CPED1: variants seen among roughly 807,000 people sequenced by gnomAD.
CPED1 encodes cadherin like and PC-esterase domain containing 1.
CPED1 carries 114 observed loss-of-function variants against 128.2 expected under a neutral mutation model. The ratio of observed to expected loss-of-function variants is 0.89; its 90% confidence interval spans 0.76 to 1.04. The LOEUF (loss-of-function observed/expected upper bound fraction) is 1.04, where lower values mean the gene tolerates loss of function less well. Among genes scored for constraint, CPED1 ranks in the 50% least tolerant of loss-of-function variants. The pLI is 0.00. For missense variants in CPED1, 1,211 were observed against 1,207.1 expected (o/e 1.00, Z -0.05); for synonymous variants, 462 against 426.7 (o/e 1.08, Z -1.02).
chr7:121,258,349 A>T (rs1279031741), intron 18 of CPED1, among the ~76,000 whole-genome samples: 1 of 152,094 alleles, frequency 6.6e-6, no homozygotes, highest in Admixed American at 6.6e-5. Context: ...GAGAGAAACA[A>T]TCATTGCAAT....
In CPED1 at chr7:121,029,245, T is replaced by G. The variant is rs6954847; in HGVS notation, c.433+13397T>G. ...AAATTAAAGTTATTGGAATAAAGGG[T>G]GAGAATCATTTCTAAAGCTCTTCAT... On this transcript the variant is annotated intron_variant, in intron 3 of 22. Coordinates refer to ENST00000310396, the MANE Select transcript of CPED1 (RefSeq NM_024913.5). Among the ~76,000 whole-genome samples the G allele has an allele frequency of 9.4e-3, 1,425 of 152,230 alleles. 30 individuals are homozygous for G. Among genetic ancestry groups the G allele is most frequent in the African/African-American group, 0.033 (1,362 of 41,552 alleles).
intron 3 of CPED1, among the ~76,000 whole-genome samples, chr7:121,024,473 A>G (rs1792519405): frequency 1.3e-5 from 2 of 152,178 alleles, no homozygotes; most frequent in Non-Finnish European, 2.9e-5. Context: ...TGCCCCTTCA[A>G]GCCTAGCTTC....
At chr7:121,016,225 T>A (rs73431855) in intron 3 of CPED1, among the ~76,000 whole-genome samples, 3,185 of 152,308 alleles carry the variant, frequency 0.021, 60 homozygotes, top group African/African-American at 0.053. Context: ...TGCTGGAAAT[T>A]GTTTCCAGAA....
chr7:121,219,019 A>G (rs1797820569), intron 16 of CPED1, among the ~76,000 whole-genome samples: 1 of 152,226 alleles, frequency 6.6e-6, no homozygotes. Flanking sequence ...AAACTGATCT[A>G]GATTGGTCAA....
intron 17 of CPED1, 85 bp downstream of exon 17, chr7:121,236,916 TAA>T (rs963820018): frequency 2.3e-5 from 14 of 599,190 alleles, no homozygotes; most frequent in Non-Finnish European, 3.6e-5. Context: ...TATCCTTTTA[TAA>T]AAAAACAAGG....
Position 121,136,026 on chromosome 7 carries a change from CTT to C in CPED1, c.1649-4_1649-3del, listed in dbSNP as rs751361706. ...TGGTTTTTATTTTAAATTTACATTT[CTT>C]TTTTTTTTTAGCTGCAGTTCCACAA... On this transcript the variant is annotated splice_polypyrimidine_tract_variant and intron_variant, in intron 13 of 22. Transcript: ENST00000310396. 3.7e-4 allele frequency: 399 copies of C among 1,071,706 alleles called. No homozygotes were observed. The highest frequency in any genetic ancestry group is 7.7e-4 in the Admixed American group (26 of 33,622). The allele number at this position is 1,071,706 out of a possible 1,614,324, so 66.4% of individuals were successfully genotyped here. A position where few individuals can be genotyped will look rare whatever the true frequency, so the allele number is the denominator to read the frequency against.
intron 16 of CPED1, among the ~76,000 whole-genome samples, chr7:121,168,145 C>T (rs1310729174): frequency 6.6e-6 from 1 of 152,172 alleles, no homozygotes; most frequent in African/African-American, 2.4e-5. Context: ...ACATTCTGAA[C>T]GCTATCATAG....
intron 3 of CPED1, among the ~76,000 whole-genome samples, chr7:121,036,489 G>GTA (rs144901835): frequency 0.11 from 15,534 of 138,218 alleles, 988 homozygotes; most frequent in East Asian, 0.18. Flanking sequence ...CATGGTGTGT[G>GTA]TATATATATA....
At chr7:121,167,138 T>G (rs1230517150) in intron 16 of CPED1, among the ~76,000 whole-genome samples, 1 of 152,222 alleles carries the variant, frequency 6.6e-6, no homozygotes, top group Non-Finnish European at 1.5e-5. Flanking sequence ...TCTAAGTCTG[T>G]CTAGCCCATC....
intron 22 of CPED1, among the ~76,000 whole-genome samples, chr7:121,277,670 TC>T (rs1186181146): frequency 2.6e-5 from 4 of 152,064 alleles, no homozygotes; most frequent in Non-Finnish European, 5.9e-5. Context: ...CTCCTGCTGT[TC>T]CCCCTGAGCG....
At chr7:121,229,603 C>T (rs1442097736) in intron 16 of CPED1, among the ~76,000 whole-genome samples, 2 of 151,818 alleles carry the variant, frequency 1.3e-5, no homozygotes, top group Non-Finnish European at 2.9e-5. Flanking sequence ...TATATGGCAC[C>T]CAGGAAACTT....
intron 16 of CPED1, among the ~76,000 whole-genome samples, chr7:121,200,795 C>G (rs1018446568): frequency 6.6e-6 from 1 of 152,078 alleles, no homozygotes; most frequent in African/African-American, 2.4e-5. Flanking sequence ...AAACAAACTT[C>G]TCTAGCCCAA....
intron 7 of CPED1, among the ~76,000 whole-genome samples, chr7:121,117,098 T>TATATATATATATATATATATATATATAA (rs1226906588): frequency 3.0e-5 from 4 of 134,650 alleles, no homozygotes; most frequent in African/African-American, 1.1e-4. Flanking sequence ...TATATATATA[T>TATATATATATATATATATATATATATAA]AAATATATAT....
chr7:121,033,558 C>G (rs1792797216), intron 3 of CPED1, among the ~76,000 whole-genome samples: 1 of 152,154 alleles, frequency 6.6e-6, no homozygotes. Context: ...TGTTATCATT[C>G]CTGGGAGGTC....
At chr7:121,063,992 G>A (rs1490758262) in intron 4 of CPED1, among the ~76,000 whole-genome samples, 1 of 152,110 alleles carries the variant, frequency 6.6e-6, no homozygotes, top group Non-Finnish European at 1.5e-5. Flanking sequence ...ATATGAAAGG[G>A]TTTTCAAAAA....
At chr7:121,262,861 G>A (rs1792047821) in intron 18 of CPED1, among the ~76,000 whole-genome samples, 1 of 151,980 alleles carries the variant, frequency 6.6e-6, no homozygotes, top group African/African-American at 2.4e-5. Context: ...ACATTAAAAA[G>A]CTGACATTTT....
chr7:121,122,313 G>GT (rs1017537870), intron 7 of CPED1, among the ~76,000 whole-genome samples: 1 of 151,880 alleles, frequency 6.6e-6, no homozygotes, highest in African/African-American at 2.4e-5. Flanking sequence ...GCTAATTTTT[G>GT]TATTTTTAGT....
chr7:121,068,541 G>C (rs1179189015), intron 5 of CPED1, among the ~76,000 whole-genome samples: 1 of 151,770 alleles, frequency 6.6e-6, no homozygotes, highest in Non-Finnish European at 1.5e-5. Flanking sequence ...TTTGAAGTAA[G>C]GTAGTGTGAT....
At chr7:121,289,389 A>G (rs1792646070) in intron 22 of CPED1, among the ~76,000 whole-genome samples, 1 of 152,224 alleles carries the variant, frequency 6.6e-6, no homozygotes, top group South Asian at 2.1e-4. Context: ...AATCAAGCCC[A>G]AAGTTACAAG....
Sources: allele counts gnomAD v4.1 joint callset (sites outside exome capture counted in the v4.1 genomes callset), GRCh38; gene constraint gnomAD v4.1.1; transcripts MANE v1.5; gene names NCBI Gene and HGNC (gene_info 2026-07-23, HGNC 2026-07-21).